The following SCAF4 variants were observed in gnomAD, a reference collection of about 807,000 sequenced individuals.
SCAF4 encodes SR-related CTD associated factor 4, also known as SR-related and CTD-associated factor 4.
In SCAF4, 25 loss-of-function variants were observed where a neutral mutation model predicts 129.8. That is an observed-to-expected ratio of 0.19 (90% CI 0.14 to 0.27). The LOEUF (loss-of-function observed/expected upper bound fraction) is 0.27, where lower values mean the gene tolerates loss of function less well. Among genes scored for constraint, SCAF4 ranks in the 10% least tolerant of loss-of-function variants. SCAF4 has a pLI of 1.00. For missense variants in SCAF4, 1,246 were observed against 1,457.1 expected (o/e 0.86, Z 2.36); for synonymous variants, 551 against 497.7 (o/e 1.11, Z -1.43).
At chr21:31,717,894 T>TACAC (rs1380741334) in intron 1 of SCAF4, among the ~76,000 whole-genome samples, 3 of 107,354 alleles carry the variant, frequency 2.8e-5, no homozygotes, top group African/African-American at 4.0e-5. Flanking sequence ...TACACATATA[T>TACAC]ACACATATAT....
intron 2 of SCAF4, among the ~76,000 whole-genome samples, chr21:31,705,935 T>C (rs1568851012): frequency 6.6e-6 from 1 of 152,228 alleles, no homozygotes; most frequent in African/African-American, 2.4e-5. Context: ...CTGGGCGTGG[T>C]GGCGCACACC....
chr21:31,725,723 T>C lies in SCAF4; in HGVS notation c.30+5940A>G, dbSNP rs150535757. ...CTTTTTGTTCGTTTTCTCAGAAGTATGTAGCAGTATATTCCAGAGGCTACC... is the reference window on the plus strand; with the variant it reads ...CTTTTTGTTCGTTTTCTCAGAAGTACGTAGCAGTATATTCCAGAGGCTACC... On this transcript the variant is annotated intron_variant, in intron 1 of 19. Transcript: ENST00000286835. Among the ~76,000 whole-genome samples, 138 of 152,296 alleles carry C rather than the reference T, an allele frequency of 9.1e-4. 2 individuals carry two copies. Among genetic ancestry groups the C allele is most frequent in the African/African-American group, 3.1e-3 (127 of 41,564 alleles).
At chr21:31,690,698 C>T (rs938750031) in intron 15 of SCAF4, 99 bp downstream of exon 15, 6 of 1,145,384 alleles carry the variant, frequency 5.2e-6, no homozygotes, top group Non-Finnish European at 7.4e-6. Context: ...TAAAAAATCT[C>T]AAAAATCACG....
intron 13 of SCAF4, 141 bp from the exon 14 acceptor site, chr21:31,692,071 A>G (rs983000153): frequency 1.7e-6 from 1 of 591,690 alleles, no homozygotes; most frequent in Non-Finnish European, 2.9e-6. Flanking sequence ...TAAGTTGGCA[A>G]TTCAAGTTTG....
At chr21:31,709,350 C>CAAAAAAAA (rs376581889) in intron 1 of SCAF4, among the ~76,000 whole-genome samples, 1 of 117,792 alleles carries the variant, frequency 8.5e-6, no homozygotes, top group African/African-American at 3.0e-5. Context: ...CTGAAACTGT[C>CAAAAAAAA]AAAAAAAAAA....
chr21:31,706,381 AAAG>A (rs1218338127), intron 1 of SCAF4, 24 bp from the exon 2 acceptor site: 1 of 1,504,190 alleles, frequency 6.6e-7, no homozygotes, highest in Non-Finnish European at 9.2e-7. Flanking sequence ...AAACAAACAA[AAAG>A]TAAAGTTTAA....
In SCAF4 at chr21:31,685,014, G is replaced by GA. The variant is rs774128134; in HGVS notation, c.2488+34_2488+35insT. ...GGTGGGGGGGTGGGGGGGGGGTGGG[G>GA]CAAGGAAAACTAATGATAAAAAAAA... On this transcript the variant is annotated intron_variant, in intron 19 of 19. Coordinates refer to ENST00000286835, the MANE Select transcript of SCAF4 (RefSeq NM_020706.2). The GA allele has an allele frequency of 1.3e-4, 119 of 921,150 alleles. No individual in the cohort carries two copies. In the African/African-American group the frequency reaches 1.9e-3, roughly 15 times the overall value. The allele number at this position is 921,150 out of a possible 1,614,324, so 57.1% of individuals were successfully genotyped here.
chr21:31,689,349 G>C (rs183143237), intron 15 of SCAF4, among the ~76,000 whole-genome samples: 56 of 151,648 alleles, frequency 3.7e-4, no homozygotes, highest in Admixed American at 2.3e-3. Context: ...CCAGGATGGA[G>C]TGCAGTGGCG....
At chr21:31,699,671 G>A (rs1277048808) in intron 7 of SCAF4, among the ~76,000 whole-genome samples, 3 of 152,076 alleles carry the variant, frequency 2.0e-5, no homozygotes, top group Non-Finnish European at 1.5e-5. Flanking sequence ...TGTTTTTATA[G>A]TTAGGATGTT....
intron 1 of SCAF4, among the ~76,000 whole-genome samples, chr21:31,715,394 C>T (rs1381301357): frequency 6.6e-6 from 1 of 152,152 alleles, no homozygotes; most frequent in South Asian, 2.1e-4. Context: ...CATCCCCAGT[C>T]TCTTTTGCCT....
intron 3 of SCAF4, among the ~76,000 whole-genome samples, chr21:31,704,801 T>C (rs1421475794): frequency 6.6e-6 from 1 of 152,236 alleles, no homozygotes; most frequent in East Asian, 1.9e-4. Flanking sequence ...TGTACTACTA[T>C]GCAAAGCGTT....
rs1223693747 is a variant in SCAF4, at chr21:31,696,578, T to C, written c.950A>G (p.Gln317Arg). 1.9e-6 allele frequency: 3 copies of C among 1,590,224 alleles called. No individual in the cohort carries two copies. The highest frequency in any genetic ancestry group is 2.7e-5 in the African/African-American group (2 of 73,276). ...APAAASPPPP[Q>R]APFGFPGDGM... Reference sequence around the variant, plus strand: ...AAAAAAAAAAACTAACAATGGTGCCTGTGGAGGAGGAGGAGAGGCAGCAGC... The same window carrying C: ...AAAAAAAAAAACTAACAATGGTGCCCGTGGAGGAGGAGGAGAGGCAGCAGC... Residue 317 changes from glutamine (Q) to arginine (R), a missense_variant, in exon 8 of 20, where the codon CAG (glutamine) becomes CGG (arginine). Gln to Arg is a conservative substitution (Grantham distance 43). Transcript: ENST00000286835.
rs2202128 is a variant in SCAF4, at chr21:31,702,320, A to G, written c.381T>C (p.Ile127=). 0.031 allele frequency: 49,323 copies of G among 1,614,028 alleles called. 858 individuals are homozygous for G. Among genetic ancestry groups the G allele is most frequent in the Non-Finnish European group, 0.035 (41,613 of 1,179,916 alleles). Residue 127 remains isoleucine, a synonymous_variant, in exon 5 of 20, where the codon ATT becomes ATC. Transcript: ENST00000286835. ...CTGCCATGTCCAAAAGAGGTTGAAT[A>G]ATTTCAATTTTGAACACTCCATTTT... ...WQKNGVFKIE[I]IQPLLDMAAG...
intron 1 of SCAF4, among the ~76,000 whole-genome samples, chr21:31,707,441 C>T (rs2050694794): frequency 6.6e-6 from 1 of 152,108 alleles, no homozygotes; most frequent in South Asian, 2.1e-4. Flanking sequence ...TGAGACTTAA[C>T]CACATACTTC....
intron 19 of SCAF4, among the ~76,000 whole-genome samples, chr21:31,673,506 G>A (rs566752604): frequency 7.5e-6 from 1 of 133,466 alleles, no homozygotes; most frequent in Admixed American, 7.0e-5. Context: ...AAAAGCGCCA[G>A]AAATTGTGAA....
intron 19 of SCAF4, 109 bp downstream of exon 19, chr21:31,684,940 T>A: frequency 1.7e-6 from 1 of 598,518 alleles, no homozygotes; most frequent in African/African-American, 2.1e-5. Flanking sequence ...TTGGAAATAA[T>A]TTTACCAAAA....
chr21:31,695,091 C>A, intron 9 of SCAF4, 111 bp from the exon 10 acceptor site: 1 of 788,962 alleles, frequency 1.3e-6, no homozygotes, highest in Non-Finnish European at 2.0e-6. Flanking sequence ...GGAAAAGTTA[C>A]AACGACATTC....
chr21:31,708,620 GCAAAAA>G (rs757585134), intron 1 of SCAF4, among the ~76,000 whole-genome samples: 8 of 152,190 alleles, frequency 5.3e-5, no homozygotes, highest in Non-Finnish European at 1.2e-4. Context: ...GAAAGGGGAT[GCAAAAA>G]CAAAAACAAA....
chr21:31,682,212 C>T (rs1020911714), intron 19 of SCAF4, among the ~76,000 whole-genome samples: 7 of 152,048 alleles, frequency 4.6e-5, no homozygotes, highest in African/African-American at 1.7e-4. Flanking sequence ...AACCCTGTCT[C>T]TACTAAAAAT....
Sources: allele counts gnomAD v4.1 joint callset (sites outside exome capture counted in the v4.1 genomes callset), GRCh38; gene constraint gnomAD v4.1.1; transcripts MANE v1.5; gene names NCBI Gene and HGNC (gene_info 2026-07-23, HGNC 2026-07-21).